The following SPMAP2L variants were observed in gnomAD, a reference collection of about 807,000 sequenced individuals.
SPMAP2L encodes the protein sperm microtubule associated protein 2-like.
the SPMAP2L span, among the ~76,000 whole-genome samples, chr4:56,617,605 C>A: frequency 6.6e-6 from 1 of 152,114 alleles, no homozygotes; most frequent in Non-Finnish European, 1.5e-5. Flanking sequence ...CCGTTTACAG[C>A]TGAAGACCCA....
At chr4:56,582,958 A>G in the SPMAP2L span, among the ~76,000 whole-genome samples, 1 of 152,326 alleles carries the variant, frequency 6.6e-6, no homozygotes, top group Admixed American at 6.5e-5. Context: ...AAAAGGCTAC[A>G]TATTTGTATC....
chr4:56,617,194 A>AGTTACTGTACTGAATTTT, the SPMAP2L span, among the ~76,000 whole-genome samples: 230 of 152,280 alleles, frequency 1.5e-3, no homozygotes, highest in African/African-American at 5.2e-3. Context: ...AAACCTGTGT[A>AGTTACTGTACTGAATTTT]GTTACTGTAC....
the SPMAP2L span, chr4:56,575,425 G>A: frequency 3.4e-6 from 5 of 1,469,330 alleles, no homozygotes; most frequent in African/African-American, 7.0e-5. Flanking sequence ...CCTAGGCCTG[G>A]GGATCGATGT....
At chr4:56,555,360 T>A in the SPMAP2L span, among the ~76,000 whole-genome samples, 1 of 152,200 alleles carries the variant, frequency 6.6e-6, no homozygotes, top group Non-Finnish European at 1.5e-5. Context: ...CCACACTGCC[T>A]TGATTACTGT....
the SPMAP2L span, among the ~76,000 whole-genome samples, chr4:56,617,631 AG>A: frequency 9.9e-5 from 15 of 152,102 alleles, no homozygotes; most frequent in African/African-American, 3.4e-4. Flanking sequence ...CATGTGTTAC[AG>A]GGTGCTCTTT....
chr4:56,582,677 T>C, the SPMAP2L span, among the ~76,000 whole-genome samples: 5 of 152,176 alleles, frequency 3.3e-5, no homozygotes, highest in Non-Finnish European at 1.5e-5. Context: ...ATGTTAAATA[T>C]AGAGTTATTA....
At chr4:56,568,484 A>T in the SPMAP2L span, among the ~76,000 whole-genome samples, 1 of 152,190 alleles carries the variant, frequency 6.6e-6, no homozygotes, top group Non-Finnish European at 1.5e-5. Context: ...CTTTTAAAAA[A>T]ATAGCTTTAT....
the SPMAP2L span, among the ~76,000 whole-genome samples, chr4:56,611,435 G>A: frequency 1.2e-4 from 19 of 152,238 alleles, no homozygotes; most frequent in Admixed American, 2.6e-4. Flanking sequence ...GGAAAGTGTG[G>A]GAAGCGGGTG....
chr4:56,605,864 T>C, the SPMAP2L span, among the ~76,000 whole-genome samples: 1 of 152,202 alleles, frequency 6.6e-6, no homozygotes, highest in African/African-American at 2.4e-5. Flanking sequence ...TATCTAATTA[T>C]AATAAAAGAT....
At chr4:56,575,066 C>G in the SPMAP2L span, among the ~76,000 whole-genome samples, 1 of 148,406 alleles carries the variant, frequency 6.7e-6, no homozygotes, top group East Asian at 2.0e-4. Flanking sequence ...CTGGTTAACA[C>G]GGTGAAACCC....
At chr4:56,582,685 T>C in the SPMAP2L span, among the ~76,000 whole-genome samples, 2 of 152,172 alleles carry the variant, frequency 1.3e-5, no homozygotes, top group African/African-American at 4.8e-5. Flanking sequence ...TATAGAGTTA[T>C]TATATAAGCC....
the SPMAP2L span, among the ~76,000 whole-genome samples, chr4:56,554,635 G>A: frequency 4.6e-5 from 7 of 152,060 alleles, no homozygotes; most frequent in Non-Finnish European, 1.0e-4. Flanking sequence ...TCTTAGCAGT[G>A]TGTTTCACAA....
the SPMAP2L span, among the ~76,000 whole-genome samples, chr4:56,570,800 A>G: frequency 1.3e-5 from 2 of 151,602 alleles, no homozygotes; most frequent in African/African-American, 4.8e-5. Context: ...AATTTTTATT[A>G]TTTATTTATT....
At chr4:56,539,047 A>G in the SPMAP2L span, among the ~76,000 whole-genome samples, 1 of 152,220 alleles carries the variant, frequency 6.6e-6, no homozygotes, top group Non-Finnish European at 1.5e-5. Flanking sequence ...TTGAGCGACT[A>G]CTAAGTCACT....
At chr4:56,589,314 C>T in the SPMAP2L span, among the ~76,000 whole-genome samples, 3 of 152,094 alleles carry the variant, frequency 2.0e-5, no homozygotes, top group East Asian at 1.9e-4. Flanking sequence ...ATACCAGCAC[C>T]GTACTGTTTT....
chr4:56,586,561 C>G, the SPMAP2L span, among the ~76,000 whole-genome samples: 1 of 152,184 alleles, frequency 6.6e-6, no homozygotes, highest in Admixed American at 6.5e-5. Flanking sequence ...TCCACAATAA[C>G]ACCTGTGTGT....
chr4:56,592,416 CTT>C, the SPMAP2L span, among the ~76,000 whole-genome samples: 18 of 152,342 alleles, frequency 1.2e-4, no homozygotes, highest in African/African-American at 3.8e-4. Flanking sequence ...GCCTCAATGT[CTT>C]TAGTTTAACA....
chr4:56,563,147 C>T, the SPMAP2L span, among the ~76,000 whole-genome samples: 1 of 121,660 alleles, frequency 8.2e-6, no homozygotes, highest in Non-Finnish European at 1.6e-5. Context: ...GGCTGGAGTG[C>T]GGTGGTGTGA....
the SPMAP2L span, among the ~76,000 whole-genome samples, chr4:56,623,478 C>T: frequency 4.0e-3 from 608 of 152,224 alleles, 5 homozygotes; most frequent in African/African-American, 0.014. Context: ...GAGAGGAGCC[C>T]TAGAGAGAGA....
Sources: gnomAD v4.1 joint callset for allele counts (sites outside exome capture counted in the v4.1 genomes callset) on GRCh38, gnomAD v4.1.1 for gene constraint, MANE v1.5 for transcripts, NCBI Gene and HGNC (gene_info 2026-07-23, HGNC 2026-07-21) for gene names.